Variants in C1QTNF3 observed in about 807,000 individuals in gnomAD.
The protein encoded by C1QTNF3 is complement C1q tumor necrosis factor-related protein 3.
C1QTNF3 carries 26 observed loss-of-function variants against 32.6 expected under a neutral mutation model. The observed-to-expected ratio is 0.80, with a 90% CI of 0.58 to 1.11. The LOEUF is 1.11. Ranked by LOEUF, C1QTNF3 falls within the 50% of genes least tolerant of loss-of-function variation. The pLI, the probability that C1QTNF3 is intolerant of heterozygous loss-of-function variation, is 0.00. For synonymous variants in C1QTNF3, 155 were observed against 146.0 expected, an observed-to-expected ratio of 1.06 and a Z score of -0.44; for missense variants, 362 against 398.2, an observed-to-expected ratio of 0.91 and a Z score of 0.77.
chr5:34,064,260 C>T, the C1QTNF3 span, among the ~76,000 whole-genome samples: 1 of 152,298 alleles, frequency 6.6e-6, no homozygotes, highest in Middle Eastern at 3.4e-3. Flanking sequence ...CAATATTACT[C>T]ACCACTTTGA....
the C1QTNF3 span, chr5:34,244,627 C>G: frequency 6.6e-6 from 1 of 152,082 alleles, no homozygotes; most frequent in Non-Finnish European, 1.5e-5. Context: ...TTGAGCTAGA[C>G]ACAGCATGCT....
At chr5:34,072,807 C>A in the C1QTNF3 span, among the ~76,000 whole-genome samples, 2 of 152,138 alleles carry the variant, frequency 1.3e-5, no homozygotes, top group Non-Finnish European at 2.9e-5. Context: ...TTACGTTTCT[C>A]AACCTGTCTT....
At chr5:34,122,932 CAA>C in the C1QTNF3 span, among the ~76,000 whole-genome samples, 4,493 of 149,490 alleles carry the variant, frequency 0.03, 99 homozygotes, top group Non-Finnish European at 0.044. Flanking sequence ...AGAAGTTTAT[CAA>C]AAGAGAGACC....
At chr5:34,160,585 C>G in the C1QTNF3 span, among the ~76,000 whole-genome samples, 2 of 152,084 alleles carry the variant, frequency 1.3e-5, no homozygotes, top group African/African-American at 4.8e-5. Context: ...TTAAGAGTTC[C>G]GTTACTCTAG....
At chr5:34,048,906 A>T in the C1QTNF3 span, among the ~76,000 whole-genome samples, 1 of 152,226 alleles carries the variant, frequency 6.6e-6, no homozygotes, top group Admixed American at 6.5e-5. Flanking sequence ...CAGACATTCA[A>T]GCTCCTGGGG....
chr5:34,028,693 C>T (rs545386708), intron 4 of C1QTNF3, 61 bp downstream of exon 4: 10 of 1,443,376 alleles, frequency 6.9e-6, no homozygotes, highest in East Asian at 2.4e-5. Context: ...TTCCTTCCTT[C>T]CTTAATTGTC....
the C1QTNF3 span, among the ~76,000 whole-genome samples, chr5:34,139,577 T>C: frequency 6.6e-6 from 1 of 152,016 alleles, no homozygotes; most frequent in Non-Finnish European, 1.5e-5. Context: ...GATCTTGGTA[T>C]AAAATGTTTG....
chr5:34,063,905 G>A, the C1QTNF3 span, among the ~76,000 whole-genome samples: 2 of 152,186 alleles, frequency 1.3e-5, no homozygotes, highest in Admixed American at 6.5e-5. Context: ...GGAGGTATGG[G>A]TCAGAAGGAA....
the C1QTNF3 span, among the ~76,000 whole-genome samples, chr5:34,086,701 T>G: frequency 6.6e-6 from 1 of 152,180 alleles, no homozygotes; most frequent in East Asian, 1.9e-4. Flanking sequence ...TGTGATAAAA[T>G]GTGATACAGC....
At chr5:34,147,864 C>T in the C1QTNF3 span, among the ~76,000 whole-genome samples, 4 of 152,224 alleles carry the variant, frequency 2.6e-5, no homozygotes, top group African/African-American at 7.2e-5. Context: ...CCAAGATGGC[C>T]GAATAGGAAC....
the C1QTNF3 span, among the ~76,000 whole-genome samples, chr5:34,129,109 C>T: frequency 6.6e-6 from 1 of 152,112 alleles, no homozygotes; most frequent in South Asian, 2.1e-4. Context: ...TCTGGTGGCA[C>T]TTCCCCCTTC....
the C1QTNF3 span, among the ~76,000 whole-genome samples, chr5:34,079,870 T>A: frequency 6.6e-6 from 1 of 151,786 alleles, no homozygotes; most frequent in Non-Finnish European, 1.5e-5. Context: ...TTGCTTGTAG[T>A]TAACAATACT....
the C1QTNF3 span, among the ~76,000 whole-genome samples, chr5:34,055,425 AAC>A: frequency 6.6e-6 from 1 of 152,202 alleles, no homozygotes; most frequent in Admixed American, 6.5e-5. Flanking sequence ...CTGCACAACA[AAC>A]ACAATGACAA....
chr5:34,244,102 T>C, the C1QTNF3 span, among the ~76,000 whole-genome samples: 1 of 152,172 alleles, frequency 6.6e-6, no homozygotes, highest in East Asian at 1.9e-4. Flanking sequence ...TCTTATGTCA[T>C]TTTCATAGTT....
the C1QTNF3 span, among the ~76,000 whole-genome samples, chr5:34,072,935 A>AT: frequency 6.6e-6 from 1 of 152,122 alleles, no homozygotes; most frequent in Non-Finnish European, 1.5e-5. Flanking sequence ...CTTGGATTAC[A>AT]TTTTTTTCTG....
the C1QTNF3 span, among the ~76,000 whole-genome samples, chr5:34,208,485 C>A: frequency 6.6e-6 from 1 of 151,708 alleles, no homozygotes; most frequent in Non-Finnish European, 1.5e-5. Flanking sequence ...CACACCCTCT[C>A]TTTCACAGTT....
chr5:34,169,009 T>C, the C1QTNF3 span: 1 of 147,792 alleles, frequency 6.8e-6, no homozygotes, highest in African/African-American at 2.5e-5. Flanking sequence ...AAAGAGGGAG[T>C]TTGGTCCCTA....
the C1QTNF3 span, among the ~76,000 whole-genome samples, chr5:34,066,766 T>G: frequency 6.6e-6 from 1 of 152,210 alleles, no homozygotes; most frequent in Non-Finnish European, 1.5e-5. Flanking sequence ...CTGGAGACAT[T>G]TTTCCCATAT....
At chr5:34,176,918 C>A in the C1QTNF3 span, among the ~76,000 whole-genome samples, 4 of 151,360 alleles carry the variant, frequency 2.6e-5, no homozygotes, top group African/African-American at 9.7e-5. Context: ...CCAGGCTGGG[C>A]ATGGTAGCTC....
Sources: gnomAD v4.1 joint callset for allele counts (sites outside exome capture counted in the v4.1 genomes callset) on GRCh38, gnomAD v4.1.1 for gene constraint, MANE v1.5 for transcripts, NCBI Gene and HGNC (gene_info 2026-07-23, HGNC 2026-07-21) for gene names.